Variants in PSD3 observed in about 807,000 individuals in gnomAD.
PSD3 encodes the protein PH and SEC7 domain-containing protein 3.
Under a neutral mutation model 105.5 loss-of-function variants are expected in PSD3, and 49 were observed. The ratio of observed to expected loss-of-function variants is 0.46; its 90% confidence interval spans 0.37 to 0.59. The LOEUF (loss-of-function observed/expected upper bound fraction) is 0.59. PSD3 is among the 20% of genes least tolerant of loss of function. The pLI is 0.00. For missense variants in PSD3, 1,561 were observed against 1,263.8 expected, an observed-to-expected ratio of 1.24 and a Z score of -3.57; for synonymous variants, 557 against 457.8, an observed-to-expected ratio of 1.22 and a Z score of -2.77.
At position 18,629,668 on chromosome 8, in the gene PSD3, A is replaced by G. The variant is rs1806752673; in HGVS notation, c.2410+2945T>C. On this transcript the variant is annotated intron_variant, in intron 11 of 15. Coordinates refer to ENST00000327040, the MANE Select transcript of PSD3 (RefSeq NM_015310.4). The stretch of plus-strand genomic sequence containing the variant: ...AAAGGCAAAAGTATAGGGCCCAAAG[A>G]CAGATAATCATCTGTCATAACCGTC... Among the ~76,000 whole-genome samples the G allele has an allele frequency of 2.0e-5, 3 of 151,980 alleles. No homozygotes were observed. In the South Asian group the frequency reaches 6.2e-4, roughly 32 times the overall value.
chr8:19,056,639 G>A (rs897494089), intron 1 of PSD3, among the ~76,000 whole-genome samples: 7 of 152,152 alleles, frequency 4.6e-5, no homozygotes, highest in Admixed American at 2.6e-4. Context: ...TATCAGTTTG[G>A]CTCCTTCATC....
intron 11 of PSD3, among the ~76,000 whole-genome samples, chr8:18,627,492 A>C (rs1806572942): frequency 2.0e-5 from 3 of 152,098 alleles, no homozygotes; most frequent in African/African-American, 7.2e-5. Context: ...AGGGCTAAGA[A>C]GAATTTATGT....
At chr8:18,920,660 G>A (rs571042808) in intron 2 of PSD3, among the ~76,000 whole-genome samples, 422 of 152,302 alleles carry the variant, frequency 2.8e-3, no homozygotes, top group African/African-American at 9.7e-3. Flanking sequence ...CGGATCATTA[G>A]AAACATATTT....
intron 12 of PSD3, among the ~76,000 whole-genome samples, chr8:18,582,233 C>T (rs1468521232): frequency 6.6e-6 from 1 of 152,144 alleles, no homozygotes; most frequent in African/African-American, 2.4e-5. Flanking sequence ...CCTCTGCATC[C>T]TCAACTCTCC....
chr8:18,965,846 T>C (rs1441639268), intron 1 of PSD3, among the ~76,000 whole-genome samples: 9 of 152,228 alleles, frequency 5.9e-5, no homozygotes, highest in Non-Finnish European at 1.5e-5. Flanking sequence ...ACAAAATAAA[T>C]GGACACATAA....
chr8:18,653,902 T>TC (rs1210839711), intron 10 of PSD3, among the ~76,000 whole-genome samples: 18 of 152,336 alleles, frequency 1.2e-4, no homozygotes, highest in African/African-American at 4.3e-4. Flanking sequence ...TTATTTATTT[T>TC]CTCTAGACTA....
At chr8:18,993,889 T>G (rs930921185) in intron 1 of PSD3, among the ~76,000 whole-genome samples, 1 of 152,080 alleles carries the variant, frequency 6.6e-6, no homozygotes, top group African/African-American at 2.4e-5. Context: ...TCAATATAAT[T>G]TGATTATATC....
chr8:18,625,986 T>A (rs953773061), intron 11 of PSD3, among the ~76,000 whole-genome samples: 1 of 152,146 alleles, frequency 6.6e-6, no homozygotes, highest in African/African-American at 2.4e-5. Flanking sequence ...ACTAAGAGCT[T>A]ATACTGAATT....
At position 18,538,113 on chromosome 8, in the gene PSD3, T is replaced by G. The variant is rs779565842; in HGVS notation, c.2929-2155A>C. On this transcript the variant is annotated intron_variant, in intron 15 of 15. Coordinates refer to ENST00000327040, the MANE Select transcript of PSD3 (RefSeq NM_015310.4). ...AAATGGAAAGACGGAGAGAGCCATGTTGACATGATGAGCTGGATCCAACCC... is the reference window on the plus strand; with the variant it reads ...AAATGGAAAGACGGAGAGAGCCATGGTGACATGATGAGCTGGATCCAACCC... Among the ~76,000 whole-genome samples the G allele has an allele frequency of 2.0e-5, 3 of 152,218 alleles. No individual in the cohort carries two copies. The South Asian group carries it at 6.2e-4, about 32-fold the overall frequency.
chr8:18,924,662 T>C (rs1016229713), intron 2 of PSD3: 7 of 152,148 alleles, frequency 4.6e-5, no homozygotes, highest in African/African-American at 1.7e-4. Context: ...TAGGCATGAG[T>C]AGGGGCTGAG....
rs58506774 is a variant in PSD3 at position 18,626,199 on chromosome 8, A to G, written c.2410+6414T>C. On this transcript the variant is annotated intron_variant, in intron 11 of 15. Transcript: ENST00000327040. ...AAGGCAAAAAATGAAGAAAACCTCC[A>G]AGGTTTAAAAATATGGATGCAGTCT... is the stretch of plus-strand genomic sequence containing the variant. 5.1e-3 allele frequency among the ~76,000 whole-genome samples: 776 copies of G among 152,172 alleles called. 9 individuals carry two copies. The highest frequency in any genetic ancestry group is 0.018 in the African/African-American group (745 of 41,534).
At chr8:18,801,573 C>A (rs1253483593) in intron 6 of PSD3, among the ~76,000 whole-genome samples, 191 bp from the exon 7 acceptor site, 1 of 152,002 alleles carries the variant, frequency 6.6e-6, no homozygotes, top group Non-Finnish European at 1.5e-5. Context: ...TATTTAAATT[C>A]TATAAAAAGC....
intron 11 of PSD3, among the ~76,000 whole-genome samples, chr8:18,603,691 T>C (rs1804601435): frequency 6.6e-6 from 1 of 151,970 alleles, no homozygotes; most frequent in African/African-American, 2.4e-5. Flanking sequence ...GGTGATTGGG[T>C]CATGTGGGTG....
Position 18,718,262 on chromosome 8 carries a change from A to T in PSD3, c.2172+47187T>A, listed in dbSNP as rs1387541112. Among the ~76,000 whole-genome samples the T allele has an allele frequency of 6.6e-5, 10 of 152,206 alleles. 1 individual carries two copies. The highest frequency in any genetic ancestry group is 6.5e-4 in the Admixed American group (10 of 15,270). Reference sequence around the variant, plus strand: ...TTTATTAATTCCTCTATTCATCTACATTCATCTAGAATCACAGCAATATTT... The same window carrying T: ...TTTATTAATTCCTCTATTCATCTACTTTCATCTAGAATCACAGCAATATTT... On this transcript the variant is annotated intron_variant, in intron 9 of 15. Transcript: ENST00000327040.
chr8:18,837,503 G>C (rs1469084149), intron 4 of PSD3, among the ~76,000 whole-genome samples: 13 of 152,178 alleles, frequency 8.5e-5, no homozygotes, highest in Non-Finnish European at 8.8e-5. Context: ...TCATGCTTCT[G>C]CTCTCTGTTC....
chr8:18,784,894 G>C (rs1006254900), intron 8 of PSD3, among the ~76,000 whole-genome samples: 1 of 152,154 alleles, frequency 6.6e-6, no homozygotes, highest in African/African-American at 2.4e-5. Context: ...TCAATGGTCA[G>C]TGGTATTAAC....
chr8:18,732,412 A>G (rs1803828323), intron 9 of PSD3, among the ~76,000 whole-genome samples: 1 of 152,250 alleles, frequency 6.6e-6, no homozygotes, highest in South Asian at 2.1e-4. Flanking sequence ...AATCATCATC[A>G]GTTCATTTGC....
chr8:18,985,963 C>G (rs1586579953), intron 1 of PSD3, among the ~76,000 whole-genome samples: 2 of 151,968 alleles, frequency 1.3e-5, no homozygotes, highest in East Asian at 3.9e-4. Flanking sequence ...CACTTTGTTA[C>G]TCAAAGTTCT....
intron 4 of PSD3, among the ~76,000 whole-genome samples, chr8:18,858,079 G>T (rs556627382): frequency 1.3e-5 from 2 of 152,188 alleles, no homozygotes; most frequent in South Asian, 2.1e-4. Context: ...AAAAATGAAG[G>T]CTCTGCTAAC....
Sources: gnomAD v4.1 joint callset for allele counts (sites outside exome capture counted in the v4.1 genomes callset) on GRCh38, gnomAD v4.1.1 for gene constraint, MANE v1.5 for transcripts, NCBI Gene and HGNC (gene_info 2026-07-23, HGNC 2026-07-21) for gene names.